EEFSEC: variants seen among roughly 807,000 people sequenced by gnomAD.
EEFSEC encodes selenocysteine-specific elongation factor.
In EEFSEC, 43 loss-of-function variants were observed where a neutral mutation model predicts 42.1. That is an observed-to-expected ratio of 1.02 (90% confidence interval 0.80 to 1.32). The LOEUF (loss-of-function observed/expected upper bound fraction) is 1.32. EEFSEC is among the 40% of genes most tolerant of loss of function. The pLI, the probability that EEFSEC is intolerant of heterozygous loss-of-function variation, is 0.00. For missense variants in EEFSEC, 745 were observed against 803.6 expected, an observed-to-expected ratio of 0.93 and a Z score of 0.88; for synonymous variants, 354 against 339.1, an observed-to-expected ratio of 1.04 and a Z score of -0.48.
chr3:128,299,260 T>A (rs1035829965), intron 4 of EEFSEC, among the ~76,000 whole-genome samples: 1 of 152,178 alleles, frequency 6.6e-6, no homozygotes. Context: ...ATTAAAGCCA[T>A]TTTAACTAGG....
intron 6 of EEFSEC, among the ~76,000 whole-genome samples, chr3:128,377,301 A>G (rs564778420): frequency 8.5e-5 from 13 of 152,128 alleles, no homozygotes; most frequent in African/African-American, 2.7e-4. Context: ...CTCCAAGGGA[A>G]GTTGAACCAC....
intron 4 of EEFSEC, among the ~76,000 whole-genome samples, chr3:128,288,547 G>A (rs1213414187): frequency 6.6e-6 from 1 of 152,174 alleles, no homozygotes; most frequent in Admixed American, 6.5e-5. Context: ...ATCCCTTGTT[G>A]AACAAATGTG....
chr3:128,223,782 G>A (rs1483681997), intron 1 of EEFSEC, among the ~76,000 whole-genome samples: 4 of 152,196 alleles, frequency 2.6e-5, no homozygotes, highest in African/African-American at 9.7e-5. Flanking sequence ...ATGTGCCCAT[G>A]TGCGTGCATG....
intron 4 of EEFSEC, among the ~76,000 whole-genome samples, chr3:128,268,170 C>G (rs2066374929): frequency 6.6e-6 from 1 of 152,180 alleles, no homozygotes; most frequent in African/African-American, 2.4e-5. Flanking sequence ...TGCTTGGGAC[C>G]AATGAACCTT....
chr3:128,375,127 T>C (rs73861053), intron 6 of EEFSEC, among the ~76,000 whole-genome samples: 10,812 of 152,296 alleles, frequency 0.071, 790 homozygotes, highest in African/African-American at 0.19. Flanking sequence ...AGGATTGTAA[T>C]AGAGGAGTAA....
intron 6 of EEFSEC, among the ~76,000 whole-genome samples, chr3:128,395,260 G>A (rs1000468005): frequency 1.3e-5 from 2 of 152,222 alleles, no homozygotes; most frequent in Non-Finnish European, 2.9e-5. Context: ...GAGCCATGGG[G>A]AGTGGGTCAG....
At chr3:128,192,721 G>T (rs2065538673) in intron 1 of EEFSEC, among the ~76,000 whole-genome samples, 1 of 152,180 alleles carries the variant, frequency 6.6e-6, no homozygotes, top group Admixed American at 6.5e-5. Context: ...ATACTGGAAG[G>T]AGGAGCATAT....
chr3:128,356,418 T>C (rs565667236), intron 5 of EEFSEC, among the ~76,000 whole-genome samples: 15 of 152,214 alleles, frequency 9.9e-5, no homozygotes, highest in African/African-American at 3.4e-4. Context: ...CCACAATGCA[T>C]GAGAACTGAT....
intron 1 of EEFSEC, among the ~76,000 whole-genome samples, chr3:128,219,980 A>T (rs150888266): frequency 2.8e-4 from 43 of 152,298 alleles, no homozygotes; most frequent in African/African-American, 8.7e-4. Flanking sequence ...AGTAATAAAA[A>T]TGGTAAACTC....
rs60162922 is a variant in EEFSEC, at chr3:128,222,025, GT to G, written c.317-24785del. Among the ~76,000 whole-genome samples, 374 of 96,338 alleles carry G rather than the reference GT, an allele frequency of 3.9e-3. 8 individuals are homozygous for G. Among genetic ancestry groups the G allele is most frequent in the East Asian group, 0.024 (63 of 2,604 alleles). The allele number at this position is 96,338 out of a possible 152,430, so 63.2% of individuals were successfully genotyped here. Reference sequence around the variant, plus strand: ...TTTATTCTTCGTGTGTTTTTTCAAAGTTTTTTTTTTTTTTTTTTTTTTTTTT... The same window carrying G: ...TTTATTCTTCGTGTGTTTTTTCAAAGTTTTTTTTTTTTTTTTTTTTTTTTT... On this transcript the variant is annotated intron_variant, in intron 1 of 6. Transcript: ENST00000254730.
At chr3:128,257,605 T>G (rs542902295) in intron 2 of EEFSEC, among the ~76,000 whole-genome samples, 1 of 152,360 alleles carries the variant, frequency 6.6e-6, no homozygotes, top group South Asian at 2.1e-4. Flanking sequence ...ACACCAGATT[T>G]TAAGGAGATT....
At chr3:128,274,614 T>C (rs1487647875) in intron 4 of EEFSEC, among the ~76,000 whole-genome samples, 4 of 152,188 alleles carry the variant, frequency 2.6e-5, no homozygotes, top group Non-Finnish European at 5.9e-5. Flanking sequence ...CTACAAGTTG[T>C]CGTATGAAAA....
chr3:128,410,993 G>A (rs1324092337), downstream of EEFSEC, among the ~76,000 whole-genome samples: 1 of 152,168 alleles, frequency 6.6e-6, no homozygotes, highest in Non-Finnish European at 1.5e-5. Flanking sequence ...CCCTGAGTGT[G>A]TAATGAGGCG....
intron 1 of EEFSEC, among the ~76,000 whole-genome samples, chr3:128,187,255 G>C (rs1272427406): frequency 2.0e-5 from 3 of 152,178 alleles, no homozygotes; most frequent in Admixed American, 2.0e-4. Flanking sequence ...AGATACCTGA[G>C]CCAAGATGTA....
intron 5 of EEFSEC, among the ~76,000 whole-genome samples, chr3:128,350,605 A>G (rs2067373217): frequency 6.6e-6 from 1 of 152,236 alleles, no homozygotes; most frequent in Non-Finnish European, 1.5e-5. Context: ...TGTGATAGCT[A>G]AGTGTCTTGC....
At chr3:128,318,310 C>G (rs958991377) in intron 4 of EEFSEC, among the ~76,000 whole-genome samples, 2 of 152,358 alleles carry the variant, frequency 1.3e-5, no homozygotes, top group Admixed American at 6.5e-5. Flanking sequence ...AGACTGTGTT[C>G]CAGCTGGTTT....
At chr3:128,375,662 G>A (rs754950584) in intron 6 of EEFSEC, among the ~76,000 whole-genome samples, 3 of 152,264 alleles carry the variant, frequency 2.0e-5, no homozygotes, top group East Asian at 1.9e-4. Context: ...CTTCTCAAAC[G>A]GAGCAGGTCC....
chr3:128,198,833 T>G (rs2065614435), intron 1 of EEFSEC, among the ~76,000 whole-genome samples: 2 of 149,886 alleles, frequency 1.3e-5, no homozygotes, highest in Admixed American at 6.6e-5. Flanking sequence ...AGACTTTCTG[T>G]TTTTTTTTCT....
intron 1 of EEFSEC, among the ~76,000 whole-genome samples, chr3:128,220,506 G>A (rs866494604): frequency 2.6e-5 from 4 of 152,100 alleles, no homozygotes; most frequent in Admixed American, 6.6e-5. Context: ...TCAGAGGTGC[G>A]GCTGGCCTGC....
Sources: gnomAD v4.1 joint callset for allele counts (sites outside exome capture counted in the v4.1 genomes callset) on GRCh38, gnomAD v4.1.1 for gene constraint, MANE v1.5 for transcripts, NCBI Gene and HGNC (gene_info 2026-07-23, HGNC 2026-07-21) for gene names.